The following RSL1D1 variants were observed in gnomAD, a reference collection of about 807,000 sequenced individuals.
RSL1D1 encodes the protein ribosomal L1 domain-containing protein 1.
A neutral mutation model predicts 44.6 loss-of-function variants in RSL1D1; 34 were observed. The observed-to-expected ratio is 0.76, with a 90% CI of 0.58 to 1.02. The LOEUF (loss-of-function observed/expected upper bound fraction) is 1.02. RSL1D1 is among the 50% of genes least tolerant of loss of function. RSL1D1 has a pLI of 0.00. For synonymous variants in RSL1D1, 271 were observed against 207.4 expected, an observed-to-expected ratio of 1.31 and a Z score of -2.63; for missense variants, 767 against 568.1, an observed-to-expected ratio of 1.35 and a Z score of -3.56.
Position 11,842,009 on chromosome 16 carries a change from T to C in RSL1D1, c.636-9A>G, listed in dbSNP as rs1359650370. 3.2e-6 allele frequency: 5 copies of C among 1,586,450 alleles called. No individual in the cohort carries two copies. Among genetic ancestry groups the C allele is most frequent in the Non-Finnish European group, 4.3e-6 (5 of 1,160,096 alleles). On this transcript the variant is annotated splice_polypyrimidine_tract_variant and intron_variant, in intron 5 of 8. Coordinates refer to ENST00000571133, the MANE Select transcript of RSL1D1 (RefSeq NM_015659.3). ...GACCAATACGTATAGCACTGAAATT[T>C]AATATAGTATTAGACAAGATTTTAA...
chr16:11,847,585 G>A (rs2053807886), intron 3 of RSL1D1, 83 bp downstream of exon 3: 1 of 1,141,090 alleles, frequency 8.8e-7, no homozygotes, highest in South Asian at 1.5e-5. Context: ...AAAATACTAG[G>A]AAATATAGCA....
At chr16:11,850,459 C>A in intron 1 of RSL1D1, 41 bp from the exon 2 acceptor site, 1 of 1,568,946 alleles carries the variant, frequency 6.4e-7, no homozygotes, top group Non-Finnish European at 8.6e-7. Flanking sequence ...AATGTTTTCA[C>A]AATAACTTAC....
chr16:11,839,428 C>T (rs545326270), intron 8 of RSL1D1, among the ~76,000 whole-genome samples: 1 of 147,716 alleles, frequency 6.8e-6, no homozygotes, highest in African/African-American at 2.5e-5. Context: ...TGTGGTGGCT[C>T]ACACTTGTAA....
At chr16:11,848,873 G>C (rs1032827123) in intron 2 of RSL1D1, among the ~76,000 whole-genome samples, 4 of 151,776 alleles carry the variant, frequency 2.6e-5, no homozygotes, top group African/African-American at 9.7e-5. Flanking sequence ...TGCCTCCTGG[G>C]TTCAAATGAT....
Position 11,835,419 on chromosome 16 carries a change from G to A in RSL1D1, c.*2368C>T, listed in dbSNP as rs545955765. The A allele has an allele frequency of 6.6e-5, 10 of 152,340 alleles. No homozygotes were observed. Among genetic ancestry groups the A allele is most frequent in the African/African-American group, 2.4e-4 (10 of 41,548 alleles). The allele number at this position is 152,340 out of a possible 1,614,324, so 9.4% of individuals were successfully genotyped here. A position where few individuals can be genotyped will look rare whatever the true frequency, so the allele number is the denominator to read the frequency against. ...CTGGTCTCAGAACTCCTGGCCTCAA[G>A]TGATCTGCCAGCCTTGGCTGGGATT... On this transcript the variant is annotated 3_prime_UTR_variant, in exon 9 of 9. Transcript: ENST00000571133.
chr16:11,838,507 G>C (rs1298888035), intron 8 of RSL1D1, among the ~76,000 whole-genome samples: 5 of 151,988 alleles, frequency 3.3e-5, no homozygotes, highest in African/African-American at 9.7e-5. Context: ...GTTTTTATTA[G>C]TTAACCCCCA....
intron 8 of RSL1D1, 55 bp from the exon 9 acceptor site, chr16:11,838,168 T>G: frequency 1.5e-6 from 2 of 1,325,040 alleles, no homozygotes; most frequent in Non-Finnish European, 2.1e-6. Context: ...CCTGACACTC[T>G]AACTCCAGGA....
At chr16:11,846,886 T>C in intron 3 of RSL1D1, 43 bp from the exon 4 acceptor site, 1 of 1,512,314 alleles carries the variant, frequency 6.6e-7, no homozygotes, top group South Asian at 1.2e-5. Flanking sequence ...GTTAGGAATC[T>C]AAACAAGGAG....
Position 11,850,297 on chromosome 16 carries a change from T to G in RSL1D1, c.227A>C (p.Lys76Thr). The part of the protein sequence containing the change: ...LMVVLWKIPS[K>T]ELRVRLTLPH... ...AACTTACAATCTGACCCTCAGTTCT[T>G]TACTTGGAATTTTCCATAATACCAC... is the stretch of plus-strand genomic sequence containing the variant. The change falls in exon 2 of 9, where the codon AAA becomes ACA. Residue 76 changes from lysine to threonine, a missense_variant. Coordinates refer to ENST00000571133, the MANE Select transcript of RSL1D1 (RefSeq NM_015659.3). The G allele has an allele frequency of 6.3e-7, 1 of 1,585,156 alleles. No individual in the cohort carries two copies. The highest frequency in any genetic ancestry group is 8.5e-7 in the Non-Finnish European group (1 of 1,172,566).
chr16:11,851,339 C>A, intron 1 of RSL1D1, 69 bp downstream of exon 1: 3 of 1,460,064 alleles, frequency 2.1e-6, no homozygotes, highest in East Asian at 2.3e-5. Context: ...CACTCGGGTT[C>A]CGGCACCCTG....
At chr16:11,850,976 C>T (rs1304857741) in intron 1 of RSL1D1, 2 of 239,192 alleles carry the variant, frequency 8.4e-6, no homozygotes, top group South Asian at 8.7e-5. Context: ...AGGCGTGAGC[C>T]ACCGCGCCCG....
intron 7 of RSL1D1, among the ~76,000 whole-genome samples, 186 bp from the exon 8 acceptor site, chr16:11,840,171 G>A (rs140312360): frequency 1.7e-3 from 257 of 152,296 alleles, no homozygotes; most frequent in Non-Finnish European, 3.2e-3. Context: ...AGCCAAACAT[G>A]CATTTTATGC....
chr16:11,846,952 C>T (rs2053803345), intron 3 of RSL1D1, 109 bp from the exon 4 acceptor site: 1 of 948,488 alleles, frequency 1.1e-6, no homozygotes, highest in Non-Finnish European at 1.6e-6. Context: ...TAGAGCCATG[C>T]CTCTATACTT....
Position 11,837,916 on chromosome 16 carries a change from T to A in RSL1D1, c.1344A>T (p.Lys448Asn). ...AVKEKSPSLG[K>N]KDARQTPKKP... ...TTTTTGGAGTCTGTCTCGCATCTTT[T>A]TTCCCCAGCGAAGGACTTTTTTCCT... Residue 448 changes from lysine to asparagine, a missense_variant, in exon 9 of 9, where the codon AAA becomes AAT. Physicochemically the swap from Lys to Asn is moderately conservative, Grantham distance 94 (BLOSUM62 0). Coordinates refer to ENST00000571133, the MANE Select transcript of RSL1D1 (RefSeq NM_015659.3). 1.9e-6 allele frequency: 3 copies of A among 1,614,088 alleles called. No individual in the cohort carries two copies. Among genetic ancestry groups the A allele is most frequent in the Non-Finnish European group, 1.7e-6 (2 of 1,180,030 alleles).
Position 11,837,700 on chromosome 16 carries a change from G to C in RSL1D1, c.*87C>G. Reference sequence around the variant, plus strand: ...TTTAAGTCCAGGCCTGACGTTTAGAGAAGGTTACAAAGGCGGCCAGGATCT... The same window carrying C: ...TTTAAGTCCAGGCCTGACGTTTAGACAAGGTTACAAAGGCGGCCAGGATCT... On this transcript the variant is annotated 3_prime_UTR_variant, in exon 9 of 9. Transcript: ENST00000571133. The C allele has an allele frequency of 8.3e-7, 1 of 1,208,866 alleles. No homozygotes were observed. Among genetic ancestry groups the C allele is most frequent in the South Asian group, 1.5e-5 (1 of 68,196 alleles). 74.9% of individuals were successfully genotyped at this position (1,208,866 alleles called of 1,614,324 possible). A position where few individuals can be genotyped will look rare whatever the true frequency, so the allele number is the denominator to read the frequency against.
At chr16:11,844,604 T>G (rs2053785516) in intron 5 of RSL1D1, among the ~76,000 whole-genome samples, 1 of 152,198 alleles carries the variant, frequency 6.6e-6, no homozygotes, top group African/African-American at 2.4e-5. Flanking sequence ...TGCCCACCAG[T>G]ACCCTGCTCT....
rs145999981 is a variant in RSL1D1 at position 11,837,937 on chromosome 16, T to C, written c.1323A>G (p.Glu441=). ...CTTTTTTCCCCAGCGAAGGACTTTTTTCCTTCACTGCCTCTTCTTTGATTT... is the reference window on the plus strand; with the variant it reads ...CTTTTTTCCCCAGCGAAGGACTTTTCTCCTTCACTGCCTCTTCTTTGATTT... ...KPKIKEEAVK[E]KSPSLGKKDA... is the part of the protein sequence containing the mutation. Residue 441 remains glutamate (E), a synonymous_variant, in exon 9 of 9, where the codon GAA becomes GAG. Coordinates refer to ENST00000571133, the MANE Select transcript of RSL1D1 (RefSeq NM_015659.3). 2.9e-5 allele frequency: 47 copies of C among 1,614,038 alleles called. No individual in the cohort carries two copies. In the African/African-American group the frequency reaches 5.9e-4, roughly 20 times the overall value.
intron 3 of RSL1D1, 95 bp from the exon 4 acceptor site, chr16:11,846,938 G>A (rs2053803257): frequency 9.0e-7 from 1 of 1,114,978 alleles, no homozygotes; most frequent in African/African-American, 1.6e-5. Context: ...ATTTAAAAAT[G>A]TCCTAGAGCC....
chr16:11,851,326 A>T, intron 1 of RSL1D1, 82 bp downstream of exon 1: 1 of 1,303,190 alleles, frequency 7.7e-7, no homozygotes, highest in Non-Finnish European at 1.1e-6. Context: ...TCCGCCGAGC[A>T]CGCACTCGGG....
Sources: allele counts gnomAD v4.1 joint callset (sites outside exome capture counted in the v4.1 genomes callset), GRCh38; gene constraint gnomAD v4.1.1; transcripts MANE v1.5; gene names NCBI Gene and HGNC (gene_info 2026-07-23, HGNC 2026-07-21).